Variants in REEP3 observed in about 807,000 individuals in gnomAD.
The protein encoded by REEP3 is receptor expression-enhancing protein 3.
In REEP3, 20 loss-of-function variants were observed where a neutral mutation model predicts 41.3. The observed-to-expected ratio is 0.48, with a 90% CI of 0.34 to 0.70. The LOEUF is 0.70. REEP3 is among the 30% of genes least tolerant of loss of function. The pLI, the probability that REEP3 is intolerant of heterozygous loss-of-function variation, is 0.01. For synonymous variants in REEP3, 104 were observed against 101.8 expected (o/e 1.02, Z -0.13); for missense variants, 271 against 308.8 (o/e 0.88, Z 0.92).
At chr10:63,580,923 A>T (rs1955948511) in intron 2 of REEP3, among the ~76,000 whole-genome samples, 1 of 152,156 alleles carries the variant, frequency 6.6e-6, no homozygotes, top group African/African-American at 2.4e-5. Context: ...AAAACAAGAG[A>T]ATCACCTGAG....
At chr10:63,550,579 A>C (rs1955618953) in intron 1 of REEP3, among the ~76,000 whole-genome samples, 1 of 152,172 alleles carries the variant, frequency 6.6e-6, no homozygotes, top group Non-Finnish European at 1.5e-5. Flanking sequence ...AAGTACTAAA[A>C]ATCCCATATC....
intron 2 of REEP3, among the ~76,000 whole-genome samples, chr10:63,579,025 A>G (rs956649112): frequency 7.6e-6 from 1 of 131,166 alleles, no homozygotes; most frequent in African/African-American, 2.7e-5. Context: ...TATATTCTTC[A>G]CTATGTGTTT....
At chr10:63,604,534 T>C (rs997514374) in intron 5 of REEP3, among the ~76,000 whole-genome samples, 2 of 152,214 alleles carry the variant, frequency 1.3e-5, no homozygotes, top group African/African-American at 4.8e-5. Flanking sequence ...GGTAAAATTG[T>C]TGAAATCTAA....
chr10:63,545,211 A>C (rs1370075915), intron 1 of REEP3, among the ~76,000 whole-genome samples: 2 of 152,212 alleles, frequency 1.3e-5, no homozygotes, highest in African/African-American at 4.8e-5. Context: ...AGACATACAT[A>C]TAACATACAG....
intron 2 of REEP3, among the ~76,000 whole-genome samples, chr10:63,590,038 G>A (rs371357297): frequency 2.6e-5 from 4 of 151,810 alleles, no homozygotes; most frequent in East Asian, 1.9e-4. Flanking sequence ...CAAGTGATCC[G>A]CCCACCTCAG....
intron 1 of REEP3, among the ~76,000 whole-genome samples, chr10:63,539,342 C>T (rs1955505251): frequency 6.6e-6 from 1 of 152,130 alleles, no homozygotes; most frequent in Non-Finnish European, 1.5e-5. Flanking sequence ...ACCATACTGA[C>T]CCTTTGAATT....
chr10:63,541,863 G>A (rs1364695882), intron 1 of REEP3, among the ~76,000 whole-genome samples: 3 of 152,106 alleles, frequency 2.0e-5, no homozygotes, highest in Non-Finnish European at 4.4e-5. Flanking sequence ...CCTTCTTCCA[G>A]CCAACTTTGA....
Position 63,526,614 on chromosome 10 carries a change from A to G in REEP3, c.32+5037A>G, listed in dbSNP as rs1051352827. ...TTAATACTTTACCAATAAATATAAC[A>G]TATCTCATTGTTTTCTTTTGTATTT... On this transcript the variant is annotated intron_variant, in intron 1 of 7. Coordinates refer to ENST00000373758, the MANE Select transcript of REEP3 (RefSeq NM_001001330.3). 4.6e-5 allele frequency among the ~76,000 whole-genome samples: 7 copies of G among 152,174 alleles called. No individual in the cohort carries two copies. The East Asian group carries it at 7.7e-4, about 17-fold the overall frequency.
chr10:63,571,119 G>T (rs1017111928), intron 2 of REEP3, among the ~76,000 whole-genome samples: 8 of 152,064 alleles, frequency 5.3e-5, no homozygotes, highest in African/African-American at 1.9e-4. Context: ...ACCATCGGGT[G>T]GGGTAGTGGG....
intron 2 of REEP3, among the ~76,000 whole-genome samples, chr10:63,588,350 T>A (rs1956026920): frequency 6.6e-6 from 1 of 152,220 alleles, no homozygotes; most frequent in Non-Finnish European, 1.5e-5. Flanking sequence ...TTTCTCATAA[T>A]TTGAATCTCA....
intron 3 of REEP3, 38 bp downstream of exon 3, chr10:63,594,892 T>A: frequency 7.8e-7 from 1 of 1,284,598 alleles, no homozygotes; most frequent in Non-Finnish European, 1.1e-6. Flanking sequence ...GACTACAGAC[T>A]CATAATCAGG....
intron 1 of REEP3, among the ~76,000 whole-genome samples, chr10:63,545,657 G>T (rs1955570716): frequency 1.4e-5 from 2 of 144,974 alleles, no homozygotes; most frequent in South Asian, 4.4e-4. Context: ...ATAGGCATGA[G>T]CCACTGCGCC....
chr10:63,617,439 A>C (rs545579391), intron 6 of REEP3, among the ~76,000 whole-genome samples: 1 of 152,242 alleles, frequency 6.6e-6, no homozygotes, highest in African/African-American at 2.4e-5. Context: ...ATATTTTTTG[A>C]AACAGGCTAT....
chr10:63,544,161 C>A (rs903250989), intron 1 of REEP3, among the ~76,000 whole-genome samples: 27 of 152,136 alleles, frequency 1.8e-4, no homozygotes, highest in African/African-American at 5.3e-4. Context: ...TAATATGACT[C>A]TCTTCAGAAA....
At position 63,613,894 on chromosome 10, in the gene REEP3, A is replaced by G. The variant is rs534110795; in HGVS notation, c.565+3560A>G. On this transcript the variant is annotated intron_variant, in intron 6 of 7. Transcript: ENST00000373758. Reference sequence around the variant, plus strand: ...GGAAGTCCCTGTGAATATTTTTATAATCTTCAGATAGATAAAATTTCTTAA... The same window carrying G: ...GGAAGTCCCTGTGAATATTTTTATAGTCTTCAGATAGATAAAATTTCTTAA... 5.6e-4 allele frequency among the ~76,000 whole-genome samples: 86 copies of G among 152,342 alleles called. 1 individual carries two copies. The South Asian group carries it at 0.017, about 31-fold the overall frequency.
At chr10:63,554,628 C>T (rs1205855564) in intron 1 of REEP3, among the ~76,000 whole-genome samples, 2 of 152,180 alleles carry the variant, frequency 1.3e-5, no homozygotes, top group African/African-American at 4.8e-5. Flanking sequence ...CTAAGCCTTA[C>T]TTTTATCATC....
intron 2 of REEP3, among the ~76,000 whole-genome samples, chr10:63,583,675 G>C (rs916172570): frequency 6.6e-6 from 1 of 152,206 alleles, no homozygotes; most frequent in Non-Finnish European, 1.5e-5. Flanking sequence ...AAGATAACCA[G>C]TAGGATGGCT....
At position 63,521,518 on chromosome 10, in the gene REEP3, C is replaced by A. The variant is rs1214215937; in HGVS notation, c.-28C>A. 3 of 1,408,186 alleles carry A rather than the reference C, an allele frequency of 2.1e-6. No individual in the cohort carries two copies. Among genetic ancestry groups the A allele is most frequent in the Non-Finnish European group, 2.8e-6 (3 of 1,068,810 alleles). The allele number at this position is 1,408,186 out of a possible 1,614,324, so 87.2% of individuals were successfully genotyped here. A position where few individuals can be genotyped will look rare whatever the true frequency, so the allele number is the denominator to read the frequency against. Reference sequence around the variant, plus strand: ...CGCAGCGCCCTGCGCCCACCCGCCCCGGACGTGGGGCCCAAGCCCCCGTGA... The same window carrying A: ...CGCAGCGCCCTGCGCCCACCCGCCCAGGACGTGGGGCCCAAGCCCCCGTGA... On this transcript the variant is annotated 5_prime_UTR_variant, in exon 1 of 8. Transcript: ENST00000373758.
At chr10:63,550,345 G>A (rs10822180) in intron 1 of REEP3, among the ~76,000 whole-genome samples, 19,057 of 152,210 alleles carry the variant, frequency 0.13, 1,529 homozygotes, top group South Asian at 0.28. Flanking sequence ...TTGTATCCAA[G>A]TTCTAAAGGG....
Sources: allele counts gnomAD v4.1 joint callset (sites outside exome capture counted in the v4.1 genomes callset), GRCh38; gene constraint gnomAD v4.1.1; transcripts MANE v1.5; gene names NCBI Gene and HGNC (gene_info 2026-07-23, HGNC 2026-07-21).